The following SMURF2 variants were observed in gnomAD, a reference collection of about 807,000 sequenced individuals.
SMURF2 encodes the protein SMAD specific E3 ubiquitin protein ligase 2.
Under a neutral mutation model 109.6 loss-of-function variants are expected in SMURF2, and 48 were observed. That is an observed-to-expected ratio of 0.44 (90% CI 0.35 to 0.56). The LOEUF (loss-of-function observed/expected upper bound fraction) is 0.56, where lower values mean the gene tolerates loss of function less well. SMURF2 is among the 20% of genes least tolerant of loss of function. The pLI, the probability that SMURF2 is intolerant of heterozygous loss-of-function variation, is 0.01. For missense variants in SMURF2, 575 were observed against 909.0 expected, an observed-to-expected ratio of 0.63 and a Z score of 4.72; for synonymous variants, 288 against 317.1, an observed-to-expected ratio of 0.91 and a Z score of 0.97.
At chr17:64,648,352 T>C (rs140852448) in intron 1 of SMURF2, among the ~76,000 whole-genome samples, 23 of 152,188 alleles carry the variant, frequency 1.5e-4, no homozygotes, top group Admixed American at 2.6e-4. Context: ...CAGTCCTATA[T>C]CTTTATAACT....
chr17:64,635,915 T>A (rs1227769513), intron 1 of SMURF2, among the ~76,000 whole-genome samples: 1 of 152,228 alleles, frequency 6.6e-6, no homozygotes, highest in Non-Finnish European at 1.5e-5. Flanking sequence ...AGCAGAGTGG[T>A]TGAACTACTT....
At chr17:64,595,143 A>C (rs1483524644) in intron 3 of SMURF2, among the ~76,000 whole-genome samples, 1 of 152,182 alleles carries the variant, frequency 6.6e-6, no homozygotes, top group Non-Finnish European at 1.5e-5. Flanking sequence ...AATGTGCCAT[A>C]TTTTTTATGT....
Position 64,562,761 on chromosome 17 carries a change from G to A in SMURF2, c.1212+10C>T, listed in dbSNP as rs782768695. 1.8e-5 allele frequency: 29 copies of A among 1,609,510 alleles called. No individual in the cohort carries two copies. Among genetic ancestry groups the A allele is most frequent in the South Asian group, 1.8e-4 (16 of 90,746 alleles). ...AAAATAGTAAAACAAAATAAGGCTC[G>A]TAAATTTACCTCAAAAATCTCTTCC... On this transcript the variant is annotated intron_variant, in intron 11 of 18. Transcript: ENST00000262435.
At chr17:64,631,265 GGA>G (rs1555691549) in intron 1 of SMURF2, among the ~76,000 whole-genome samples, 234 of 8,820 alleles carry the variant, frequency 0.027, 4 homozygotes, top group East Asian at 0.054. Context: ...GAGGTGGGGG[GGA>G]GAGAGGGGGG....
chr17:64,626,851 C>T (rs1156931895), intron 1 of SMURF2, among the ~76,000 whole-genome samples: 2 of 151,192 alleles, frequency 1.3e-5, no homozygotes, highest in African/African-American at 4.9e-5. Flanking sequence ...ATAAAATAGA[C>T]AAAATCTATA....
chr17:64,660,840 C>T (rs564103487), intron 1 of SMURF2: 2 of 152,158 alleles, frequency 1.3e-5, no homozygotes, highest in Non-Finnish European at 2.9e-5. Context: ...TAAAAGTTCT[C>T]CTAAAACGGG....
intron 16 of SMURF2, among the ~76,000 whole-genome samples, chr17:64,550,142 T>C (rs1027107827): frequency 6.6e-6 from 1 of 152,238 alleles, no homozygotes; most frequent in Non-Finnish European, 1.5e-5. Context: ...TATTTCACTA[T>C]GAACAATTCA....
chr17:64,582,708 C>T (rs1340496308), intron 7 of SMURF2, among the ~76,000 whole-genome samples: 3 of 152,290 alleles, frequency 2.0e-5, no homozygotes, highest in Admixed American at 2.0e-4. Flanking sequence ...AAGCCATTCT[C>T]CTGCCTCAGC....
chr17:64,645,911 G>C (rs1970552523), intron 1 of SMURF2, among the ~76,000 whole-genome samples: 1 of 152,070 alleles, frequency 6.6e-6, no homozygotes, highest in Non-Finnish European at 1.5e-5. Context: ...ACATATAAAT[G>C]CTAAGAAAAC....
At chr17:64,561,876 T>C (rs1396310524) in intron 11 of SMURF2, among the ~76,000 whole-genome samples, 1 of 152,136 alleles carries the variant, frequency 6.6e-6, no homozygotes, top group Non-Finnish European at 1.5e-5. Context: ...GGCATGCACC[T>C]GTAGTCCTAG....
intron 5 of SMURF2, among the ~76,000 whole-genome samples, chr17:64,588,502 G>C (rs1969700148): frequency 6.6e-6 from 1 of 151,960 alleles, no homozygotes; most frequent in Admixed American, 6.6e-5. Flanking sequence ...TTATGGTTAA[G>C]TGAAAGAAAG....
intron 12 of SMURF2, among the ~76,000 whole-genome samples, chr17:64,560,610 T>C (rs1318229260): frequency 1.3e-5 from 2 of 152,168 alleles, no homozygotes; most frequent in Non-Finnish European, 2.9e-5. Flanking sequence ...TTTCTCCATT[T>C]ATATAAAACG....
intron 9 of SMURF2, among the ~76,000 whole-genome samples, chr17:64,575,939 T>C (rs1376466745): frequency 6.6e-6 from 1 of 152,122 alleles, no homozygotes; most frequent in Non-Finnish European, 1.5e-5. Flanking sequence ...GCATGGTGGC[T>C]CATGCCTGTA....
chr17:64,644,956 C>G (rs562249322), intron 1 of SMURF2, among the ~76,000 whole-genome samples: 22 of 150,676 alleles, frequency 1.5e-4, no homozygotes, highest in Non-Finnish European at 2.7e-4. Context: ...TGCAGTGAGC[C>G]GAGATCACAC....
chr17:64,639,352 G>A (rs782478240), intron 1 of SMURF2, among the ~76,000 whole-genome samples: 4 of 152,036 alleles, frequency 2.6e-5, no homozygotes, highest in Non-Finnish European at 4.4e-5. Flanking sequence ...TGAGGTGAGT[G>A]GATCACTTGA....
intron 15 of SMURF2, among the ~76,000 whole-genome samples, chr17:64,553,047 T>TA (rs1353285439): frequency 1.3e-5 from 2 of 152,102 alleles, no homozygotes; most frequent in African/African-American, 4.8e-5. Context: ...ACATACTTTT[T>TA]ACGTATATAA....
In SMURF2 at chr17:64,608,955, T is replaced by C. The variant is rs192020826; in HGVS notation, c.53-2315A>G. On this transcript the variant is annotated intron_variant, in intron 1 of 18. Coordinates refer to ENST00000262435, the MANE Select transcript of SMURF2 (RefSeq NM_022739.4). ...TCTTCCCTCTCATAATGAAACTTCT[T>C]CAAAGAAAATAAATGTGCAAAAATC... Among the ~76,000 whole-genome samples, 10 of 152,078 alleles carry C rather than the reference T, an allele frequency of 6.6e-5. No individual in the cohort carries two copies. The East Asian group carries it at 1.7e-3, about 26-fold the overall frequency.
chr17:64,630,098 T>A (rs1401435736), intron 1 of SMURF2, among the ~76,000 whole-genome samples: 1 of 151,946 alleles, frequency 6.6e-6, no homozygotes, highest in East Asian at 1.9e-4. Context: ...TAGCCAGGCA[T>A]GGTGGTGCAC....
chr17:64,639,970 T>C (rs1156755203), intron 1 of SMURF2, among the ~76,000 whole-genome samples: 1 of 152,220 alleles, frequency 6.6e-6, no homozygotes, highest in Non-Finnish European at 1.5e-5. Flanking sequence ...TATTGGTTCA[T>C]TAATTATAAC....
Sources: allele counts gnomAD v4.1 joint callset (sites outside exome capture counted in the v4.1 genomes callset), GRCh38; gene constraint gnomAD v4.1.1; transcripts MANE v1.5; gene names NCBI Gene and HGNC (gene_info 2026-07-23, HGNC 2026-07-21).